The following INPP4B variants were observed in gnomAD, a reference collection of about 807,000 sequenced individuals.
INPP4B encodes the protein inositol polyphosphate 4-phosphatase type II.
Under a neutral mutation model 122.5 loss-of-function variants are expected in INPP4B, and 55 were observed. The observed-to-expected ratio is 0.45, with a 90% confidence interval of 0.36 to 0.56. The LOEUF is 0.56. INPP4B is among the 20% of genes least tolerant of loss of function. INPP4B has a pLI of 0.00. For synonymous variants in INPP4B, 403 were observed against 388.7 expected (o/e 1.04, Z -0.43); for missense variants, 1,000 against 1,097.7 (o/e 0.91, Z 1.26).
chr4:142,230,611 C>T (rs1314748133), intron 12 of INPP4B, among the ~76,000 whole-genome samples: 1 of 142,644 alleles, frequency 7.0e-6, no homozygotes, highest in Non-Finnish European at 1.5e-5. Flanking sequence ...CCATTGCACT[C>T]CAGCCTGGGC....
At chr4:142,215,135 G>A (rs934138048) in intron 12 of INPP4B, among the ~76,000 whole-genome samples, 2 of 152,152 alleles carry the variant, frequency 1.3e-5, no homozygotes, top group Non-Finnish European at 2.9e-5. Flanking sequence ...GAAGCTCAGA[G>A]AATAACCTGA....
intron 9 of INPP4B, 117 bp downstream of exon 9, chr4:142,305,341 C>T: frequency 4.1e-6 from 3 of 729,114 alleles, no homozygotes; most frequent in South Asian, 1.8e-5. Flanking sequence ...AGAACATTAG[C>T]TATTTGAGAA....
At chr4:142,190,207 G>GTTTT (rs768014701) in intron 15 of INPP4B, among the ~76,000 whole-genome samples, 10 of 36,916 alleles carry the variant, frequency 2.7e-4, no homozygotes, top group African/African-American at 3.7e-4. Flanking sequence ...GTTTATTTTT[G>GTTTT]TTTTTTTTTT....
At chr4:142,096,891 G>C (rs558746630) in intron 23 of INPP4B, among the ~76,000 whole-genome samples, 1 of 152,126 alleles carries the variant, frequency 6.6e-6, no homozygotes, top group East Asian at 1.9e-4. Flanking sequence ...CTGGGAGTCA[G>C]AGAACATGGA....
intron 2 of INPP4B, among the ~76,000 whole-genome samples, chr4:142,707,595 C>T (rs189784248): frequency 1.1e-3 from 160 of 152,336 alleles, no homozygotes; most frequent in African/African-American, 3.5e-3. Context: ...CTGCTCTAGC[C>T]ACATAACATG....
chr4:142,339,001 A>G (rs1193529431), intron 7 of INPP4B, among the ~76,000 whole-genome samples: 1 of 152,108 alleles, frequency 6.6e-6, no homozygotes, highest in Admixed American at 6.5e-5. Context: ...AGGTCGGAAC[A>G]TACCTGCCCT....
intron 7 of INPP4B, among the ~76,000 whole-genome samples, chr4:142,394,626 G>A (rs918702122): frequency 2.6e-5 from 4 of 151,852 alleles, no homozygotes; most frequent in Non-Finnish European, 5.9e-5. Flanking sequence ...TTCTTTTGAC[G>A]AATGTTTATG....
chr4:142,365,041 A>G (rs1579855389), intron 7 of INPP4B, among the ~76,000 whole-genome samples: 1 of 152,138 alleles, frequency 6.6e-6, no homozygotes, highest in African/African-American at 2.4e-5. Context: ...AAAAAGTCAT[A>G]CAACTTCCCC....
At chr4:142,473,206 A>T (rs1819199696) in intron 2 of INPP4B, 1 of 152,226 alleles carries the variant, frequency 6.6e-6, no homozygotes, top group Admixed American at 6.5e-5. Flanking sequence ...AGAAGCCGCT[A>T]ACAAGTGCTA....
intron 3 of INPP4B, among the ~76,000 whole-genome samples, chr4:142,444,399 T>C (rs1812463702): frequency 6.6e-6 from 1 of 151,928 alleles, no homozygotes; most frequent in South Asian, 2.1e-4. Flanking sequence ...CCAACCAACA[T>C]GAAAAAAACC....
intron 7 of INPP4B, among the ~76,000 whole-genome samples, chr4:142,361,704 G>A (rs1785459029): frequency 6.6e-6 from 1 of 151,490 alleles, no homozygotes; most frequent in African/African-American, 2.4e-5. Flanking sequence ...TGTATTTATT[G>A]GTTTGTTAGT....
intron 2 of INPP4B, among the ~76,000 whole-genome samples, chr4:142,721,758 T>C (rs1293364414): frequency 2.0e-5 from 3 of 151,888 alleles, no homozygotes; most frequent in Non-Finnish European, 4.4e-5. Context: ...GAGGCAGAGA[T>C]TGCAGTGAGC....
chr4:142,338,630 C>A (rs1777662644), intron 7 of INPP4B, among the ~76,000 whole-genome samples: 1 of 152,132 alleles, frequency 6.6e-6, no homozygotes, highest in African/African-American at 2.4e-5. Flanking sequence ...TTTTTCCTGC[C>A]TTTCAGATTC....
intron 9 of INPP4B, among the ~76,000 whole-genome samples, chr4:142,304,406 C>T (rs752091588): frequency 1.4e-4 from 21 of 151,906 alleles, no homozygotes; most frequent in Admixed American, 4.6e-4. Context: ...GAAGCTAGAG[C>T]GGATGGCAGC....
intron 1 of INPP4B, among the ~76,000 whole-genome samples, chr4:142,845,728 C>CCGG (rs78589959): frequency 0.057 from 8,633 of 151,414 alleles, 277 homozygotes; most frequent in Middle Eastern, 0.12. Context: ...TCTTCCCAGG[C>CCGG]CGGCGGCGGC....
chr4:142,198,950 G>C (rs1839563264), intron 14 of INPP4B, among the ~76,000 whole-genome samples: 1 of 151,890 alleles, frequency 6.6e-6, no homozygotes, highest in Admixed American at 6.6e-5. Context: ...TAGTTGCTAA[G>C]TTAGTTCCTA....
Position 142,323,603 on chromosome 4 carries a change from G to A in INPP4B, c.373-8841C>T, listed in dbSNP as rs532272306. Among the ~76,000 whole-genome samples the A allele has an allele frequency of 7.9e-5, 12 of 151,960 alleles. No individual in the cohort carries two copies. The South Asian group carries it at 1.7e-3, about 21-fold the overall frequency. The stretch of plus-strand genomic sequence containing the variant: ...TGGGACTACAGGCACCCGCCACCAC[G>A]CCTGGCTAATTTTTTGTATTTTTAG... On this transcript the variant is annotated intron_variant, in intron 7 of 25. Coordinates refer to ENST00000262992, the MANE Select transcript of INPP4B (RefSeq NM_001101669.3).
chr4:142,541,042 T>C (rs571687546), intron 2 of INPP4B, among the ~76,000 whole-genome samples: 2 of 152,334 alleles, frequency 1.3e-5, no homozygotes, highest in Admixed American at 6.5e-5. Context: ...CCTATGGAAC[T>C]ATTAGCAGAG....
intron 16 of INPP4B, among the ~76,000 whole-genome samples, chr4:142,162,721 C>T (rs1176308089): frequency 1.3e-5 from 2 of 151,942 alleles, no homozygotes; most frequent in African/African-American, 2.4e-5. Flanking sequence ...ATTCAAATCT[C>T]ATTTGAGTTG....
Sources: gnomAD v4.1 joint callset for allele counts (sites outside exome capture counted in the v4.1 genomes callset) on GRCh38, gnomAD v4.1.1 for gene constraint, MANE v1.5 for transcripts, NCBI Gene and HGNC (gene_info 2026-07-23, HGNC 2026-07-21) for gene names.